The following SQOR variants were observed in gnomAD, a reference collection of about 807,000 sequenced individuals.
The protein encoded by SQOR is sulfide quinone oxidoreductase, also known as sulfide:quinone oxidoreductase, mitochondrial.
SQOR carries 39 observed loss-of-function variants against 48.6 expected under a neutral mutation model. The ratio of observed to expected loss-of-function variants is 0.80; its 90% CI spans 0.62 to 1.05. The LOEUF (loss-of-function observed/expected upper bound fraction) is 1.05. Ranked by LOEUF, SQOR falls within the 50% of genes least tolerant of loss-of-function variation. The pLI is 0.00. For synonymous variants in SQOR, 220 were observed against 206.2 expected (o/e 1.07, Z -0.57); for missense variants, 561 against 559.9 (o/e 1.00, Z -0.02).
intron 6 of SQOR, among the ~76,000 whole-genome samples, chr15:45,679,874 G>A (rs976313161): frequency 6.6e-6 from 1 of 152,126 alleles, no homozygotes; most frequent in African/African-American, 2.4e-5. Context: ...TACTAGATTG[G>A]GATCTTGGCA....
chr15:45,678,896 A>C (rs1222291649), intron 6 of SQOR, among the ~76,000 whole-genome samples: 2 of 152,024 alleles, frequency 1.3e-5, no homozygotes, highest in Non-Finnish European at 2.9e-5. Flanking sequence ...GAGTGAACTC[A>C]TTTTTACTTT....
chr15:45,633,676 G>C (rs1396054134), upstream of SQOR, among the ~76,000 whole-genome samples: 1 of 144,704 alleles, frequency 6.9e-6, no homozygotes, highest in Non-Finnish European at 1.5e-5. Flanking sequence ...CCTGGGAGAC[G>C]GAGTGAGACT....
In SQOR at chr15:45,682,569, A is replaced by T; in HGVS notation, c.956A>T (p.Asp319Val). ...GATGCTGCTGGTTGGGTGGATGTGG[A>T]TAAAGAAACTCTGCAACACAGGAGG... ...VADAAGWVDV[D>V]KETLQHRRYP... Residue 319 changes from aspartate (D) to valine (V), a missense_variant, in exon 7 of 10, where the codon GAT (aspartate) becomes GTT (valine). Physicochemically the swap from Asp to Val is radical, Grantham distance 152. Transcript: ENST00000260324. 2 of 1,614,196 alleles carry T rather than the reference A, an allele frequency of 1.2e-6. No homozygotes were observed. The highest frequency in any genetic ancestry group is 1.7e-6 in the Non-Finnish European group (2 of 1,180,038).
At chr15:45,644,459 A>G (rs912736883) in intron 1 of SQOR, among the ~76,000 whole-genome samples, 3 of 152,212 alleles carry the variant, frequency 2.0e-5, no homozygotes, top group Non-Finnish European at 4.4e-5. Context: ...AAACATGTAA[A>G]AGCTTCCATC....
rs562295995 is a variant in SQOR at position 45,659,039 on chromosome 15, C to A, written c.116C>A (p.Ala39Glu). ...PLQLHTGASH[A>E]ARNHYEVLVL... ...CAGCTGCACACCGGGGCCAGCCATGCGGCCAGGAACCATTATGAGGTGCTG... is the reference window on the plus strand; with the variant it reads ...CAGCTGCACACCGGGGCCAGCCATGAGGCCAGGAACCATTATGAGGTGCTG... The change falls in exon 2 of 10, where the codon GCG becomes GAG. Residue 39 changes from alanine (A) to glutamate (E), a missense_variant. Ala to Glu is a moderately radical substitution (Grantham distance 107). Coordinates refer to ENST00000260324, the MANE Select transcript of SQOR (RefSeq NM_021199.4). 2.5e-6 allele frequency: 4 copies of A among 1,599,658 alleles called. No homozygotes were observed. Among genetic ancestry groups the A allele is most frequent in the African/African-American group, 2.7e-5 (2 of 74,832 alleles).
intron 1 of SQOR, among the ~76,000 whole-genome samples, chr15:45,647,910 C>T (rs1180364297): frequency 6.6e-6 from 1 of 152,114 alleles, no homozygotes; most frequent in Non-Finnish European, 1.5e-5. Context: ...AGTGACAGAG[C>T]AAGACTGTCT....
intron 1 of SQOR, among the ~76,000 whole-genome samples, chr15:45,641,851 C>T (rs187952254): frequency 2.0e-5 from 3 of 152,276 alleles, no homozygotes; most frequent in East Asian, 1.9e-4. Flanking sequence ...ATAATGTCAT[C>T]GTTCACATTC....
upstream of SQOR, among the ~76,000 whole-genome samples, chr15:45,634,346 C>T (rs1299621030): frequency 6.6e-6 from 1 of 151,350 alleles, no homozygotes; most frequent in African/African-American, 2.4e-5. Context: ...TTTTGGGACA[C>T]CCTGTATTTA....
chr15:45,652,494 C>T lies in SQOR; in HGVS notation c.-17-6413C>T, dbSNP rs570978520. On this transcript the variant is annotated intron_variant, in intron 1 of 9. Transcript: ENST00000260324. ...GGATTACATGCACGGGGTACCACGC[C>T]GGCAGGTCCGGCTACTTTTTTCTAG... Among the ~76,000 whole-genome samples, 99 of 152,144 alleles carry T rather than the reference C, an allele frequency of 6.5e-4. 1 individual carries two copies. Among genetic ancestry groups the T allele is most frequent in the South Asian group, 3.3e-3 (16 of 4,820 alleles).
At chr15:45,690,667 TAC>T (rs1207467018) in intron 9 of SQOR, among the ~76,000 whole-genome samples, 1 of 152,096 alleles carries the variant, frequency 6.6e-6, no homozygotes, top group Non-Finnish European at 1.5e-5. Flanking sequence ...TGCAAAATCC[TAC>T]AGTTAATTAT....
At chr15:45,647,234 G>C (rs867612393) in intron 1 of SQOR, among the ~76,000 whole-genome samples, 4 of 151,944 alleles carry the variant, frequency 2.6e-5, no homozygotes, top group Middle Eastern at 3.4e-3. Context: ...GGGCAACAGA[G>C]TGAAACTCTG....
At chr15:45,662,553 G>A (rs1889739827) in intron 3 of SQOR, among the ~76,000 whole-genome samples, 1 of 152,142 alleles carries the variant, frequency 6.6e-6, no homozygotes, top group East Asian at 1.9e-4. Context: ...GCCACCCTGG[G>A]GGGCGCTCTA....
intron 1 of SQOR, among the ~76,000 whole-genome samples, chr15:45,651,242 C>A (rs1276754073): frequency 1.3e-5 from 2 of 152,224 alleles, no homozygotes; most frequent in Admixed American, 1.3e-4. Flanking sequence ...TCCGCAGCTG[C>A]TGGCCCGTGC....
chr15:45,685,546 T>C (rs1403213697), intron 7 of SQOR, among the ~76,000 whole-genome samples: 4 of 152,102 alleles, frequency 2.6e-5, no homozygotes, highest in Admixed American at 1.3e-4. Flanking sequence ...TAGAAGGGGA[T>C]TGTAATACAG....
intron 1 of SQOR, among the ~76,000 whole-genome samples, chr15:45,651,169 G>A (rs1256769005): frequency 6.6e-6 from 1 of 152,234 alleles, no homozygotes; most frequent in African/African-American, 2.4e-5. Context: ...GGCAGCTGAG[G>A]CCTGGAGAAG....
At chr15:45,651,317 C>T (rs900486348) in intron 1 of SQOR, among the ~76,000 whole-genome samples, 2 of 152,244 alleles carry the variant, frequency 1.3e-5, no homozygotes, top group Non-Finnish European at 2.9e-5. Context: ...CCTGCTGAGC[C>T]CACGCCCACC....
chr15:45,652,534 A>G (rs979038282), intron 1 of SQOR, among the ~76,000 whole-genome samples: 8 of 149,998 alleles, frequency 5.3e-5, no homozygotes, highest in Middle Eastern at 3.3e-3. Context: ...TGTAGAGACC[A>G]GGTTTCACCA....
intron 7 of SQOR, among the ~76,000 whole-genome samples, chr15:45,686,831 G>A (rs1351551478): frequency 6.6e-6 from 1 of 152,098 alleles, no homozygotes; most frequent in African/African-American, 2.4e-5. Flanking sequence ...TTATTTTTGA[G>A]ACAGAGTCTC....
intron 8 of SQOR, 105 bp downstream of exon 8, chr15:45,688,509 G>GT: frequency 1.5e-5 from 12 of 783,540 alleles, no homozygotes; most frequent in Non-Finnish European, 1.9e-5. Flanking sequence ...CTTTTTTTCT[G>GT]TTTTTCTTTT....
Sources: gnomAD v4.1 joint callset for allele counts (sites outside exome capture counted in the v4.1 genomes callset) on GRCh38, gnomAD v4.1.1 for gene constraint, MANE v1.5 for transcripts, NCBI Gene and HGNC (gene_info 2026-07-23, HGNC 2026-07-21) for gene names.